RASSF5: variants seen among roughly 807,000 people sequenced by gnomAD.
The protein encoded by RASSF5 is ras association domain-containing protein 5.
A neutral mutation model predicts 40.5 loss-of-function variants in RASSF5; 25 were observed. The observed-to-expected ratio is 0.62, with a 90% CI of 0.45 to 0.86. RASSF5 has a LOEUF of 0.86. Among genes scored for constraint, RASSF5 ranks in the 40% least tolerant of loss-of-function variants. RASSF5 has a pLI of 0.00. For synonymous variants in RASSF5, 246 were observed against 252.4 expected (o/e 0.97, Z 0.24); for missense variants, 521 against 572.8 (o/e 0.91, Z 0.92).
chr1:206,524,662 A>AAAGATATAT (rs1667047947), intron 1 of RASSF5, among the ~76,000 whole-genome samples: 10 of 133,006 alleles, frequency 7.5e-5, no homozygotes, highest in Non-Finnish European at 9.6e-5. Context: ...ATTATGTATA[A>AAAGATATAT]TATATATTAT....
chr1:206,585,875 G>A (rs915969541), intron 5 of RASSF5: 2 of 152,398 alleles, frequency 1.3e-5, no homozygotes, highest in East Asian at 1.9e-4. Context: ...GAGTCACTGC[G>A]GAGATTTAGG....
At chr1:206,530,179 A>C (rs1667200214) in intron 1 of RASSF5, among the ~76,000 whole-genome samples, 1 of 152,224 alleles carries the variant, frequency 6.6e-6, no homozygotes, top group African/African-American at 2.4e-5. Flanking sequence ...AAAGCACTTG[A>C]AATCCCATCA....
chr1:206,540,222 T>C (rs1419686048), intron 2 of RASSF5, among the ~76,000 whole-genome samples: 1 of 152,218 alleles, frequency 6.6e-6, no homozygotes, highest in African/African-American at 2.4e-5. Flanking sequence ...AACCCTGCCC[T>C]AGAGTGGGCT....
At chr1:206,521,708 A>G (rs1188453208) in intron 1 of RASSF5, among the ~76,000 whole-genome samples, 1 of 152,202 alleles carries the variant, frequency 6.6e-6, no homozygotes, top group Non-Finnish European at 1.5e-5. Context: ...ACAAGCAAAC[A>G]AAAACAACCC....
chr1:206,579,360 C>T lies in RASSF5; in HGVS notation c.580-3909C>T, dbSNP rs1249962698. 6.6e-6 allele frequency among the ~76,000 whole-genome samples: 1 copy of T among 152,192 alleles called. No individual in the cohort carries two copies. Among genetic ancestry groups the T allele is most frequent in the East Asian group, 1.9e-4 (1 of 5,204 alleles). ...TATTCTGTCTCTATCTTGGGCCACCCCAAGAGGCAAAACTGTCTGCTTGGT... is the reference window on the plus strand; with the variant it reads ...TATTCTGTCTCTATCTTGGGCCACCTCAAGAGGCAAAACTGTCTGCTTGGT... On this transcript the variant is annotated intron_variant, in intron 2 of 5. Coordinates refer to ENST00000579436, the MANE Select transcript of RASSF5 (RefSeq NM_182663.4). This position sits in a 1 kb window ranked among gnomAD's most constrained non-coding sequence, Gnocchi z 4.2.
chr1:206,523,712 A>G (rs868966477), intron 1 of RASSF5, among the ~76,000 whole-genome samples: 1 of 59,748 alleles, frequency 1.7e-5, no homozygotes, highest in African/African-American at 8.1e-5. Context: ...TTTATATATT[A>G]TACAATATAT....
chr1:206,559,744 G>T (rs970935571), intron 2 of RASSF5, among the ~76,000 whole-genome samples: 1 of 152,142 alleles, frequency 6.6e-6, no homozygotes. Context: ...TGGTGGGCAC[G>T]GCCCCTCTTA....
At chr1:206,550,000 A>G (rs1667792394) in intron 2 of RASSF5, among the ~76,000 whole-genome samples, 1 of 152,146 alleles carries the variant, frequency 6.6e-6, no homozygotes, top group Non-Finnish European at 1.5e-5. Context: ...GTCTCCATTC[A>G]GTTACTCTGT....
At chr1:206,516,963 T>TATG (rs1666762442) in intron 1 of RASSF5, among the ~76,000 whole-genome samples, 1 of 152,124 alleles carries the variant, frequency 6.6e-6, no homozygotes, top group South Asian at 2.1e-4. Context: ...CGGACTTGCT[T>TATG]ATGCCCTTCT....
At chr1:206,529,512 G>A (rs1667182663) in intron 1 of RASSF5, 3 of 1,392,084 alleles carry the variant, frequency 2.2e-6, no homozygotes, top group East Asian at 4.6e-5. Context: ...CACCACTGTC[G>A]CCTTCACACA....
intron 1 of RASSF5, among the ~76,000 whole-genome samples, chr1:206,520,623 G>T (rs1437202244): frequency 5.2e-5 from 7 of 135,170 alleles, no homozygotes; most frequent in Non-Finnish European, 8.1e-5. Flanking sequence ...AAAAAAAAAA[G>T]AGAAAAGAAA....
intron 2 of RASSF5, among the ~76,000 whole-genome samples, chr1:206,548,295 T>A (rs930790312): frequency 6.6e-6 from 1 of 152,170 alleles, no homozygotes; most frequent in Non-Finnish European, 1.5e-5. Flanking sequence ...GGCACCAACA[T>A]CTGTTTGGCT....
At chr1:206,525,329 A>G (rs1278755749) in intron 1 of RASSF5, among the ~76,000 whole-genome samples, 1 of 151,796 alleles carries the variant, frequency 6.6e-6, no homozygotes, top group Non-Finnish European at 1.5e-5. Context: ...GGCACAGGGG[A>G]CACATCCAGC....
At chr1:206,516,622 A>C (rs376425786) in intron 1 of RASSF5, among the ~76,000 whole-genome samples, 3 of 151,952 alleles carry the variant, frequency 2.0e-5, no homozygotes, top group Non-Finnish European at 2.9e-5. Flanking sequence ...ACACCCGGAT[A>C]ATTTTTTTGT....
chr1:206,546,081 CTTTTTCTATT>C (rs1667678448), intron 2 of RASSF5, among the ~76,000 whole-genome samples: 1 of 54,468 alleles, frequency 1.8e-5, no homozygotes, highest in African/African-American at 6.9e-5. Flanking sequence ...TTTCTTTCTT[CTTTTTCTATT>C]TTTTTTTTTT....
intron 1 of RASSF5, among the ~76,000 whole-genome samples, chr1:206,526,994 T>C (rs969151456): frequency 1.3e-5 from 2 of 152,144 alleles, no homozygotes; most frequent in Non-Finnish European, 2.9e-5. Context: ...ACCACCGCCA[T>C]TTGCAGTTGA....
At chr1:206,529,776 T>A (rs201313281) in intron 1 of RASSF5, 14 of 420,300 alleles carry the variant, frequency 3.3e-5, no homozygotes, top group Non-Finnish European at 5.3e-5. Flanking sequence ...AAAAAAAAAA[T>A]TAACCAGGTG....
chr1:206,520,421 A>G (rs1403374162), intron 1 of RASSF5, among the ~76,000 whole-genome samples: 3 of 152,178 alleles, frequency 2.0e-5, no homozygotes, highest in Admixed American at 2.0e-4. Context: ...AGCCTGGCTA[A>G]CATGGCGAAA....
At chr1:206,529,611 C>A in intron 1 of RASSF5, 1 of 771,284 alleles carries the variant, frequency 1.3e-6, no homozygotes, top group Non-Finnish European at 2.3e-6. Flanking sequence ...CATCCACTGT[C>A]ACTGGGGCGG....
Sources: allele counts gnomAD v4.1 joint callset (sites outside exome capture counted in the v4.1 genomes callset), GRCh38; gene constraint gnomAD v4.1.1; non-coding constraint Gnocchi (gnomAD v3.1); transcripts MANE v1.5; gene names NCBI Gene and HGNC (gene_info 2026-07-23, HGNC 2026-07-21).